Variants in MORN1 observed in about 807,000 individuals in gnomAD.
MORN1 encodes the protein MORN repeat containing 1, also known as MORN repeat-containing protein 1.
A neutral mutation model predicts 61.9 loss-of-function variants in MORN1; 67 were observed. The ratio of observed to expected loss-of-function variants is 1.08; its 90% confidence interval spans 0.89 to 1.33. The LOEUF is 1.33. MORN1 is among the 40% of genes most tolerant of loss of function. The probability of loss-of-function intolerance (pLI) is 0.00; values close to 1 mark genes in which losing one functional copy is unlikely to be tolerated. For missense variants in MORN1, 752 were observed against 691.2 expected (o/e 1.09, Z -0.99); for synonymous variants, 301 against 292.0 (o/e 1.03, Z -0.31).
At chr1:2,351,985 C>T in intron 10 of MORN1, 2 of 517,056 alleles carry the variant, frequency 3.9e-6, no homozygotes, top group Non-Finnish European at 7.4e-6. Flanking sequence ...GGCATGCCCC[C>T]TCCAGGAATG....
chr1:2,377,823 G>A (rs948386228), intron 6 of MORN1: 1 of 152,364 alleles, frequency 6.6e-6, no homozygotes, highest in African/African-American at 2.4e-5. Flanking sequence ...CCTCGAGGGT[G>A]CTGTGGTCTG....
intron 6 of MORN1, among the ~76,000 whole-genome samples, chr1:2,381,575 C>T (rs984215437): frequency 5.3e-5 from 8 of 152,178 alleles, no homozygotes; most frequent in African/African-American, 7.2e-5. Flanking sequence ...GTCCTCTGGG[C>T]CTGGACGGCA....
intron 12 of MORN1, among the ~76,000 whole-genome samples, chr1:2,324,890 G>A (rs1198810682): frequency 6.6e-6 from 1 of 151,940 alleles, no homozygotes; most frequent in Non-Finnish European, 1.5e-5. Flanking sequence ...TGGCCAGGCA[G>A]GATCTGGGTC....
At chr1:2,328,152 C>T (rs896664080) in intron 12 of MORN1, among the ~76,000 whole-genome samples, 3 of 152,280 alleles carry the variant, frequency 2.0e-5, no homozygotes, top group Admixed American at 6.5e-5. Context: ...TGTCCTCAGT[C>T]TTCCAGTCCA....
At chr1:2,358,174 C>T (rs915038407) in intron 9 of MORN1, among the ~76,000 whole-genome samples, 22 of 152,090 alleles carry the variant, frequency 1.4e-4, no homozygotes, top group Non-Finnish European at 2.5e-4. Context: ...GTGATGTGTG[C>T]GTGGGGAGTG....
rs1641233298 is a variant in MORN1 at position 2,334,894 on chromosome 1, A to G, written c.1250+1575T>C. ...AGCGCGGAGGTTGCCACGGTTCTGG[A>G]GCGAAGTGGAGGTGCCGCCCTGGGC... On this transcript the variant is annotated intron_variant, in intron 12 of 13. Transcript: ENST00000378531. The surrounding 1 kb of genome is among the most constrained non-coding windows in gnomAD (Gnocchi z 5.4). 6.6e-6 allele frequency among the ~76,000 whole-genome samples: 1 copy of G among 152,120 alleles called. No homozygotes were observed. The highest frequency in any genetic ancestry group is 1.5e-5 in the Non-Finnish European group (1 of 68,000).
intron 8 of MORN1, among the ~76,000 whole-genome samples, chr1:2,361,936 T>C (rs1030610978): frequency 3.3e-5 from 5 of 152,124 alleles, no homozygotes; most frequent in African/African-American, 7.2e-5. Context: ...AAGAAAATCA[T>C]AGTAAAAGAA....
chr1:2,369,533 G>C (rs1642071460), intron 8 of MORN1, among the ~76,000 whole-genome samples: 1 of 151,936 alleles, frequency 6.6e-6, no homozygotes, highest in Non-Finnish European at 1.5e-5. Context: ...CGTATATAGA[G>C]AAAATCTTAA....
chr1:2,342,218 A>G (rs753630078), intron 10 of MORN1, among the ~76,000 whole-genome samples: 4 of 152,296 alleles, frequency 2.6e-5, no homozygotes, highest in East Asian at 1.9e-4. Flanking sequence ...ATTCCAATTC[A>G]TTATCTTTTT....
intron 12 of MORN1, among the ~76,000 whole-genome samples, chr1:2,327,017 C>T (rs767389399): frequency 8.5e-5 from 13 of 152,118 alleles, no homozygotes; most frequent in Non-Finnish European, 1.5e-4. Flanking sequence ...CACAGAAACA[C>T]ACAGAAAGAC....
rs1214888027 is a variant in MORN1, at chr1:2,336,503, G to T, written c.1216C>A (p.Pro406Thr). The change falls in exon 12 of 14, where the codon CCA (proline) becomes ACA (threonine). Residue 406 changes from proline (P) to threonine (T), a missense_variant. Physicochemically the swap from Pro to Thr is conservative, Grantham distance 38 (BLOSUM62 -1). Transcript: ENST00000378531. Reference sequence around the variant, plus strand: ...CCAGGAGGCTCCTGTGCCGTGGGTGGTGTCCCCCTGGGGTGCAGGCCGCCT... The same window carrying T: ...CCAGGAGGCTCCTGTGCCGTGGGTGTTGTCCCCCTGGGGTGCAGGCCGCCT... The part of the protein sequence containing the change: ...SRGGLHPRGT[P>T]PTAQEPPGGS... The T allele has an allele frequency of 6.8e-6, 11 of 1,612,698 alleles. No individual in the cohort carries two copies. Among genetic ancestry groups the T allele is most frequent in the Non-Finnish European group, 9.3e-6 (11 of 1,179,832 alleles).
At chr1:2,343,066 G>A (rs1169328566) in intron 10 of MORN1, among the ~76,000 whole-genome samples, 1 of 151,996 alleles carries the variant, frequency 6.6e-6, no homozygotes, top group East Asian at 1.9e-4. Flanking sequence ...TAGAAAATGC[G>A]CTTGACCCTA....
intron 12 of MORN1, among the ~76,000 whole-genome samples, chr1:2,335,849 GCAGCT>G (rs1641262562): frequency 7.2e-6 from 1 of 139,134 alleles, no homozygotes; most frequent in African/African-American, 3.4e-5. Flanking sequence ...AGCCCAGCGC[GCAGCT>G]GCCCCCAATT....
intron 10 of MORN1, chr1:2,351,576 T>C: frequency 4.2e-6 from 1 of 238,168 alleles, no homozygotes; most frequent in Non-Finnish European, 8.3e-6. Context: ...TGTGGCCTGG[T>C]GTGGCCGGGC....
In MORN1 at chr1:2,377,299, A is replaced by G. The variant is rs372195365; in HGVS notation, c.538-2742T>C. ...AGTCAGGAAGCAGTCGTGCAGGATG[A>G]TGGTGACACACATACGTCCCCCTCG... On this transcript the variant is annotated intron_variant, in intron 6 of 13. Coordinates refer to ENST00000378531, the MANE Select transcript of MORN1 (RefSeq NM_024848.3). 3 of 152,462 alleles carry G rather than the reference A, an allele frequency of 2.0e-5. 1 individual carries two copies. Among genetic ancestry groups the G allele is most frequent in the African/African-American group, 7.2e-5 (3 of 41,578 alleles). The allele number at this position is 152,462 out of a possible 1,614,324, so 9.4% of individuals were successfully genotyped here. A position where few individuals can be genotyped will look rare whatever the true frequency, so the allele number is the denominator to read the frequency against.
chr1:2,387,745 A>G, intron 3 of MORN1: 1 of 566,312 alleles, frequency 1.8e-6, no homozygotes, highest in South Asian at 2.2e-5. Context: ...CCAGGCAGAC[A>G]CTCTCTTTGG....
intron 12 of MORN1, among the ~76,000 whole-genome samples, chr1:2,325,144 C>CTCCCTCCCTTCCTTCCT (rs1640987682): frequency 1.1e-5 from 1 of 89,878 alleles, no homozygotes; most frequent in African/African-American, 5.9e-5. Context: ...CCCTCCCTCC[C>CTCCCTCCCTTCCTTCCT]TCCCTTCCTT....
At chr1:2,385,716 C>T in intron 5 of MORN1, 91 bp downstream of exon 5, 3 of 1,194,058 alleles carry the variant, frequency 2.5e-6, no homozygotes, top group Admixed American at 3.4e-5. Flanking sequence ...TGTCCCATGG[C>T]AGTCCTGTCT....
intron 6 of MORN1, chr1:2,376,054 G>A (rs1642226860): frequency 6.6e-6 from 1 of 152,334 alleles, no homozygotes; most frequent in Non-Finnish European, 1.5e-5. Context: ...ACCAAGGACT[G>A]GCGCAGAGTC....
Sources: gnomAD v4.1 joint callset for allele counts (sites outside exome capture counted in the v4.1 genomes callset) on GRCh38, gnomAD v4.1.1 for gene constraint, Gnocchi (gnomAD v3.1) non-coding constraint, MANE v1.5 for transcripts, NCBI Gene and HGNC (gene_info 2026-07-23, HGNC 2026-07-21) for gene names.